The following NCLN variants were observed in gnomAD, a reference collection of about 807,000 sequenced individuals.
NCLN encodes BOS complex subunit NCLN.
Under a neutral mutation model 69.5 loss-of-function variants are expected in NCLN, and 34 were observed. That is an observed-to-expected ratio of 0.49 (90% confidence interval 0.37 to 0.65). The LOEUF (loss-of-function observed/expected upper bound fraction) is 0.65, where lower values mean the gene tolerates loss of function less well. Among genes scored for constraint, NCLN ranks in the 30% least tolerant of loss-of-function variants. The pLI is 0.00. For missense variants in NCLN, 710 were observed against 804.8 expected, an observed-to-expected ratio of 0.88 and a Z score of 1.42; for synonymous variants, 393 against 358.3, an observed-to-expected ratio of 1.10 and a Z score of -1.09.
chr19:3,205,717 G>T lies in NCLN; in HGVS notation c.1209-222G>T. ...AGGCCTCAGGGCGTGAGCCTTACCTGCGCACAGGGACGGGTCAGGGCAAGG... is the reference window on the plus strand; with the variant it reads ...AGGCCTCAGGGCGTGAGCCTTACCTTCGCACAGGGACGGGTCAGGGCAAGG... On this transcript the variant is annotated intron_variant, in intron 9 of 14. Transcript: ENST00000246117. The surrounding 1 kb of genome is among the most constrained non-coding windows in gnomAD (Gnocchi z 4.6). The T allele has an allele frequency of 1.8e-6, 1 of 564,148 alleles. No homozygotes were observed. Among genetic ancestry groups the T allele is most frequent in the Non-Finnish European group, 3.1e-6 (1 of 318,226 alleles). The allele number at this position is 564,148 out of a possible 1,614,324, so 34.9% of individuals were successfully genotyped here.
At chr19:3,199,111 C>G (rs915599725) in intron 5 of NCLN, among the ~76,000 whole-genome samples, 9 of 152,216 alleles carry the variant, frequency 5.9e-5, no homozygotes, top group African/African-American at 2.2e-4. Flanking sequence ...TCGCAGGTTC[C>G]AGGGCACGGC....
chr19:3,207,513 G>A, intron 14 of NCLN, 44 bp downstream of exon 14: 15 of 1,609,750 alleles, frequency 9.3e-6, no homozygotes, highest in Non-Finnish European at 1.3e-5. Flanking sequence ...CCGCCCGCCG[G>A]GAGGAGCTGG....
intron 2 of NCLN, 97 bp downstream of exon 2, chr19:3,192,757 A>T (rs1052384710): frequency 6.1e-6 from 7 of 1,147,464 alleles, no homozygotes; most frequent in African/African-American, 1.6e-5. Flanking sequence ...CGCCTCTCTG[A>T]GCCCTTTGGA....
chr19:3,198,950 C>T (rs565581152), intron 5 of NCLN, 53 bp downstream of exon 5: 1 of 1,302,836 alleles, frequency 7.7e-7, no homozygotes, highest in Admixed American at 2.8e-5. Context: ...GATTCTGGCT[C>T]CAGTCCAGTG....
chr19:3,192,747 C>G (rs1395795977), intron 2 of NCLN, 87 bp downstream of exon 2: 2 of 1,243,760 alleles, frequency 1.6e-6, no homozygotes, highest in Non-Finnish European at 2.1e-6. Flanking sequence ...CGGGTCACTT[C>G]GCCTCTCTGA....
Position 3,196,279 on chromosome 19 carries a change from T to C in NCLN, c.615+2T>C, listed in dbSNP as rs889497107. Reference sequence around the variant, plus strand: ...GACTGGCTGATTGCCAGCGTGGAGGTGAGTGCCGCCTGCCCCGGAGCCAGC... The same window carrying C: ...GACTGGCTGATTGCCAGCGTGGAGGCGAGTGCCGCCTGCCCCGGAGCCAGC... On this transcript the variant is annotated splice_donor_variant, in intron 4 of 14. Transcript: ENST00000246117. LOFTEE classifies it high-confidence loss of function. 6.5e-7 allele frequency: 1 copy of C among 1,540,616 alleles called. No homozygotes were observed. The highest frequency in any genetic ancestry group is 8.8e-7 in the Non-Finnish European group (1 of 1,139,030).
In NCLN at chr19:3,198,834, G is replaced by A. The variant is rs780902086; in HGVS notation, c.633G>A (p.Leu211=). Residue 211 remains leucine, a synonymous_variant, in exon 5 of 15, where the codon CTG becomes CTA. Transcript: ENST00000246117. ...ATCCACAGGGGCGGCTGACGGGGCTGGGCGGAGAGGACCTTCCCACCATCG... is the reference window on the plus strand; with the variant it reads ...ATCCACAGGGGCGGCTGACGGGGCTAGGCGGAGAGGACCTTCCCACCATCG... ...IASVEGRLTG[L]GGEDLPTIVI... is the part of the protein sequence containing the mutation. The A allele has an allele frequency of 1.9e-5, 30 of 1,576,508 alleles. No individual in the cohort carries two copies. The highest frequency in any genetic ancestry group is 1.5e-4 in the South Asian group (13 of 87,526).
intron 4 of NCLN, among the ~76,000 whole-genome samples, chr19:3,197,468 G>A (rs1915994820): frequency 6.6e-6 from 1 of 152,224 alleles, no homozygotes; most frequent in Admixed American, 6.5e-5. Context: ...TTGAGACAGA[G>A]TCTCTCTCTG....
rs147739212 is a variant in NCLN at position 3,186,556 on chromosome 19, C to T, written c.184+342C>T. ...GCTGGGCCGGCGTCTGCCTGCCTTG[C>T]CGAGTTTCTCCCTCCTGGGCCCCCT... On this transcript the variant is annotated intron_variant, in intron 1 of 14. Coordinates refer to ENST00000246117, the MANE Select transcript of NCLN (RefSeq NM_020170.4). Among the ~76,000 whole-genome samples, 1,001 of 152,304 alleles carry T rather than the reference C, an allele frequency of 6.6e-3. 12 individuals are homozygous for T. The highest frequency in any genetic ancestry group is 0.023 in the African/African-American group (957 of 41,568).
At position 3,205,495 on chromosome 19, in the gene NCLN, C is replaced by T. The variant is rs1021125769; in HGVS notation, c.1209-444C>T. 1.5e-4 allele frequency among the ~76,000 whole-genome samples: 23 copies of T among 152,208 alleles called. No homozygotes were observed. Among genetic ancestry groups the T allele is most frequent in the African/African-American group, 5.1e-4 (21 of 41,450 alleles). On this transcript the variant is annotated intron_variant, in intron 9 of 14. Coordinates refer to ENST00000246117, the MANE Select transcript of NCLN (RefSeq NM_020170.4). The surrounding 1 kb of genome is among the most constrained non-coding windows in gnomAD (Gnocchi z 4.6). ...AAGGATGGAGGTGGCGGTCGCCCAC[C>T]AGCCAGGAAAGATTGCCAGGAAATG...
chr19:3,186,133 C>G lies in NCLN; in HGVS notation c.103C>G (p.Pro35Ala). ...GCCCGCTGTGCTGCTGCTGGTGGCG[C>G]CGCCGCTGCCTGCCGCCGACGCCGC... ...FLPAVLLLVA[P>A]PLPAADAAHE... The change falls in exon 1 of 15, where the codon CCG becomes GCG. Residue 35 changes from proline (P) to alanine (A), a missense_variant. By Grantham distance (27) the Pro-to-Ala change is conservative (BLOSUM62 -1). Coordinates refer to ENST00000246117, the MANE Select transcript of NCLN (RefSeq NM_020170.4). The G allele has an allele frequency of 6.3e-7, 1 of 1,596,912 alleles. No individual in the cohort carries two copies. The highest frequency in any genetic ancestry group is 8.5e-7 in the Non-Finnish European group (1 of 1,174,040).
chr19:3,199,201 G>A (rs543722104), intron 5 of NCLN, among the ~76,000 whole-genome samples: 2 of 152,348 alleles, frequency 1.3e-5, no homozygotes, highest in East Asian at 3.9e-4. Flanking sequence ...GGCTCCACAC[G>A]AGGCCTCCTC....
Position 3,209,525 on chromosome 19 carries a change from GT to G in NCLN, c.*1838del, listed in dbSNP as rs1342891466. On this transcript the variant is annotated 3_prime_UTR_variant, in exon 15 of 15. Coordinates refer to ENST00000246117, the MANE Select transcript of NCLN (RefSeq NM_020170.4). ...CTGACCGTCTGGGGCTCAGGCTGGT[GT>G]GGGATGCAGCCGGCCGATGAGAAAA... The G allele has an allele frequency of 3.9e-5, 6 of 152,296 alleles. No individual in the cohort carries two copies. The highest frequency in any genetic ancestry group is 8.8e-5 in the Non-Finnish European group (6 of 68,076). 9.4% of individuals were successfully genotyped at this position (152,296 alleles called of 1,614,324 possible).
intron 5 of NCLN, among the ~76,000 whole-genome samples, chr19:3,199,968 C>G (rs954270550): frequency 2.0e-5 from 3 of 151,988 alleles, no homozygotes; most frequent in Non-Finnish European, 4.4e-5. Flanking sequence ...CCAAAGTGCT[C>G]GGATTACAGG....
At position 3,186,135 on chromosome 19, in the gene NCLN, G is replaced by A. The variant is rs1915662640; in HGVS notation, c.105G>A (p.Pro35=). ...FLPAVLLLVA[P]PLPAADAAHE... ...CCGCTGTGCTGCTGCTGGTGGCGCC[G>A]CCGCTGCCTGCCGCCGACGCCGCGC... is the stretch of plus-strand genomic sequence containing the variant. Residue 35 remains proline, a synonymous_variant, in exon 1 of 15, where the codon CCG becomes CCA. Coordinates refer to ENST00000246117, the MANE Select transcript of NCLN (RefSeq NM_020170.4). The A allele has an allele frequency of 6.3e-7, 1 of 1,595,602 alleles. No homozygotes were observed. Among genetic ancestry groups the A allele is most frequent in the Non-Finnish European group, 8.5e-7 (1 of 1,173,524 alleles).
intron 1 of NCLN, among the ~76,000 whole-genome samples, chr19:3,189,500 A>C (rs1459469805): frequency 1.3e-5 from 2 of 152,176 alleles, no homozygotes; most frequent in Non-Finnish European, 2.9e-5. Context: ...CTATGGCCCG[A>C]GAGGGGAAAG....
chr19:3,195,947 C>T (rs1369064245), intron 3 of NCLN, among the ~76,000 whole-genome samples: 1 of 152,160 alleles, frequency 6.6e-6, no homozygotes, highest in African/African-American at 2.4e-5. Flanking sequence ...ATCAGAATGG[C>T]ATGGAGGAGA....
rs1351094176 is a variant in NCLN, at chr19:3,205,065, A to G, written c.1208+314A>G. 1.3e-5 allele frequency among the ~76,000 whole-genome samples: 2 copies of G among 152,106 alleles called. No homozygotes were observed. The highest frequency in any genetic ancestry group is 2.9e-5 in the Non-Finnish European group (2 of 67,998). On this transcript the variant is annotated intron_variant, in intron 9 of 14. Coordinates refer to ENST00000246117, the MANE Select transcript of NCLN (RefSeq NM_020170.4). The surrounding 1 kb of genome is among the most constrained non-coding windows in gnomAD (Gnocchi z 4.6). ...CTCTTCAGGGCCCTGCCACAGCCCGAAAGTCCTGCCTGGCCCCGGCCACCG... is the reference window on the plus strand; with the variant it reads ...CTCTTCAGGGCCCTGCCACAGCCCGGAAGTCCTGCCTGGCCCCGGCCACCG...
At chr19:3,200,240 C>T (rs551958166) in intron 5 of NCLN, among the ~76,000 whole-genome samples, 15 of 151,788 alleles carry the variant, frequency 9.9e-5, no homozygotes, top group East Asian at 7.8e-4. Context: ...TGAGCCACCG[C>T]GCCCACTGCC....
Sources: allele counts gnomAD v4.1 joint callset (sites outside exome capture counted in the v4.1 genomes callset), GRCh38; gene constraint gnomAD v4.1.1; non-coding constraint Gnocchi (gnomAD v3.1); transcripts MANE v1.5; gene names NCBI Gene and HGNC (gene_info 2026-07-23, HGNC 2026-07-21).